Variants in CFAP61 observed in about 807,000 individuals in gnomAD.
CFAP61 encodes cilia and flagella associated protein 61, also known as cilia- and flagella-associated protein 61.
A neutral mutation model predicts 135.6 loss-of-function variants in CFAP61; 107 were observed. That is an observed-to-expected ratio of 0.79 (90% CI 0.67 to 0.93). CFAP61 has a LOEUF of 0.93. Among genes scored for constraint, CFAP61 ranks in the 40% least tolerant of loss-of-function variants. The pLI is 0.00. For synonymous variants in CFAP61, 575 were observed against 578.5 expected, an observed-to-expected ratio of 0.99 and a Z score of 0.09; for missense variants, 1,507 against 1,556.2, an observed-to-expected ratio of 0.97 and a Z score of 0.53.
chr20:20,331,726 C>T (rs542101305), intron 25 of CFAP61, among the ~76,000 whole-genome samples: 6 of 152,018 alleles, frequency 3.9e-5, no homozygotes, highest in Admixed American at 2.6e-4. Context: ...CCCCCTGACT[C>T]GTGGGGGTTT....
chr20:20,097,061 A>G (rs1177010775), intron 7 of CFAP61, among the ~76,000 whole-genome samples: 3 of 151,546 alleles, frequency 2.0e-5, no homozygotes, highest in Admixed American at 1.3e-4. Flanking sequence ...TTTAACTGGG[A>G]GACATATTCG....
intron 25 of CFAP61, among the ~76,000 whole-genome samples, chr20:20,299,073 G>T (rs981873610): frequency 1.3e-5 from 2 of 152,192 alleles, no homozygotes; most frequent in Non-Finnish European, 2.9e-5. Flanking sequence ...GATGTGGAAT[G>T]AAAACCATGC....
intron 26 of CFAP61, among the ~76,000 whole-genome samples, chr20:20,351,561 G>A (rs548710858): frequency 4.8e-4 from 62 of 129,110 alleles, no homozygotes; most frequent in Admixed American, 9.7e-4. Flanking sequence ...CAGTCTGAGC[G>A]AGACTCTGTC....
chr20:20,272,447 T>TATAAA (rs1555943899), intron 21 of CFAP61, among the ~76,000 whole-genome samples: 4 of 151,524 alleles, frequency 2.6e-5, no homozygotes, highest in South Asian at 4.2e-4. Flanking sequence ...ATTAATTAAT[T>TATAAA]ATAAAATAAA....
chr20:20,095,197 CCCAACT>C (rs1419834473), intron 7 of CFAP61, among the ~76,000 whole-genome samples: 1 of 152,092 alleles, frequency 6.6e-6, no homozygotes, highest in Non-Finnish European at 1.5e-5. Flanking sequence ...CGCATTCCCT[CCCAACT>C]ACATGTTTAG....
At chr20:20,183,850 G>A (rs957299290) in intron 13 of CFAP61, among the ~76,000 whole-genome samples, 1 of 152,108 alleles carries the variant, frequency 6.6e-6, no homozygotes, top group Non-Finnish European at 1.5e-5. Flanking sequence ...TCATTTTAGA[G>A]GAGGGCACAA....
At chr20:20,355,783 G>T (rs2059102317) in intron 26 of CFAP61, among the ~76,000 whole-genome samples, 1 of 136,624 alleles carries the variant, frequency 7.3e-6, no homozygotes, top group Non-Finnish European at 1.6e-5. Flanking sequence ...GTGAGGGGAG[G>T]TGGTCACACT....
At chr20:20,111,858 T>C (rs943224192) in intron 8 of CFAP61, among the ~76,000 whole-genome samples, 2 of 152,186 alleles carry the variant, frequency 1.3e-5, no homozygotes, top group African/African-American at 2.4e-5. Context: ...TCCAATGTAA[T>C]TAATTCTTGT....
chr20:20,181,745 T>C (rs1317704080), intron 13 of CFAP61, among the ~76,000 whole-genome samples: 3 of 152,172 alleles, frequency 2.0e-5, no homozygotes, highest in Admixed American at 6.6e-5. Flanking sequence ...CCTCACTGAT[T>C]CAAGGTAGCT....
At chr20:20,227,844 A>G (rs2048852109) in intron 17 of CFAP61, among the ~76,000 whole-genome samples, 1 of 152,228 alleles carries the variant, frequency 6.6e-6, no homozygotes, top group South Asian at 2.1e-4. Context: ...TTGTCACTCA[A>G]GGTTTCAGGG....
chr20:20,178,466 C>G (rs966101437), intron 13 of CFAP61, among the ~76,000 whole-genome samples: 2 of 152,114 alleles, frequency 1.3e-5, no homozygotes, highest in African/African-American at 4.8e-5. Flanking sequence ...AACTGGTTGC[C>G]CACTCCATCT....
chr20:20,185,810 T>C (rs1330357512), intron 13 of CFAP61, among the ~76,000 whole-genome samples: 1 of 152,230 alleles, frequency 6.6e-6, no homozygotes, highest in Non-Finnish European at 1.5e-5. Context: ...TGGAGCTTTA[T>C]TGTTAGACAC....
At chr20:20,086,513 A>G (rs1044291963) in intron 6 of CFAP61, among the ~76,000 whole-genome samples, 6 of 151,494 alleles carry the variant, frequency 4.0e-5, no homozygotes, top group Non-Finnish European at 7.4e-5. Context: ...TTTTTTATGG[A>G]CTTTGCCGGT....
chr20:20,252,298 C>A (rs1053438757), intron 20 of CFAP61, among the ~76,000 whole-genome samples: 1 of 146,606 alleles, frequency 6.8e-6, no homozygotes, highest in African/African-American at 2.4e-5. Flanking sequence ...TTGAGTAAAG[C>A]ATTGCTGGAT....
At chr20:20,090,346 G>GT (rs755162097) in intron 6 of CFAP61, among the ~76,000 whole-genome samples, 5 of 152,134 alleles carry the variant, frequency 3.3e-5, no homozygotes, top group Non-Finnish European at 7.4e-5. Context: ...TATTTGAAAT[G>GT]TTTAGAATTG....
At chr20:20,244,490 A>G (rs866860786) in intron 18 of CFAP61, among the ~76,000 whole-genome samples, 27 of 152,086 alleles carry the variant, frequency 1.8e-4, no homozygotes, top group South Asian at 1.0e-3. Context: ...TGAGCTCTAC[A>G]TTAGCCTCTT....
Position 20,188,024 on chromosome 20 carries a change from T to C in CFAP61, c.1480T>C (p.Leu494=). The C allele has an allele frequency of 1.2e-6, 2 of 1,614,180 alleles. No homozygotes were observed. Among genetic ancestry groups the C allele is most frequent in the Non-Finnish European group, 1.7e-6 (2 of 1,180,008 alleles). The change falls in exon 14 of 27, where the codon TTA becomes CTA. Residue 494 remains leucine (L), a synonymous_variant. Transcript: ENST00000245957. Reference sequence around the variant, plus strand: ...GTTGAATAAAAGCATATTGGAGGACTTAGACCGTTACAACAAGGCTCGCAA... The same window carrying C: ...GTTGAATAAAAGCATATTGGAGGACCTAGACCGTTACAACAAGGCTCGCAA... ...LMLNKSILED[L]DRYNKARKDP...
In CFAP61 at chr20:20,298,324, C is replaced by T. The variant is rs115094118; in HGVS notation, c.3360C>T (p.His1120=). The T allele has an allele frequency of 2.5e-4, 406 of 1,614,132 alleles. 1 individual carries two copies. The African/African-American group carries it at 4.1e-3, about 16-fold the overall frequency. ...ASNYIRLFGQ[H]EQLLNNLCAR... is the part of the protein sequence containing the mutation. ...ACTACATCCGCTTGTTTGGCCAGCA[C>T]GAGCAACTCCTCAACAACCTGTGTG... The change falls in exon 25 of 27, where the codon CAC becomes CAT. Residue 1120 remains histidine (H), a synonymous_variant. Coordinates refer to ENST00000245957, the MANE Select transcript of CFAP61 (RefSeq NM_015585.4).
At chr20:20,309,767 G>A (rs562006886) in intron 25 of CFAP61, among the ~76,000 whole-genome samples, 1 of 152,240 alleles carries the variant, frequency 6.6e-6, no homozygotes, top group South Asian at 2.1e-4. Flanking sequence ...AAATACCTCA[G>A]AAGATGCCCA....
Sources: gnomAD v4.1 joint callset for allele counts (sites outside exome capture counted in the v4.1 genomes callset) on GRCh38, gnomAD v4.1.1 for gene constraint, MANE v1.5 for transcripts, NCBI Gene and HGNC (gene_info 2026-07-23, HGNC 2026-07-21) for gene names.